LRRC4C: variants seen among roughly 807,000 people sequenced by gnomAD.
LRRC4C encodes the protein leucine-rich repeat-containing protein 4C.
Under a neutral mutation model 33.6 loss-of-function variants are expected in LRRC4C, and 5 were observed. The observed-to-expected ratio is 0.15, with a 90% confidence interval of 0.08 to 0.31. The LOEUF is 0.31. LRRC4C is among the 10% of genes least tolerant of loss of function. The pLI is 1.00. For synonymous variants in LRRC4C, 329 were observed against 302.0 expected (o/e 1.09, Z -0.93); for missense variants, 560 against 796.7 (o/e 0.70, Z 3.58).
At chr11:41,175,357 A>G (rs373507661) in intron 1 of LRRC4C, among the ~76,000 whole-genome samples, 3 of 152,304 alleles carry the variant, frequency 2.0e-5, no homozygotes, top group East Asian at 3.9e-4. Flanking sequence ...AGGAGGAAAC[A>G]ATTACCAAAT....
chr11:41,036,631 A>G (rs1857085616), intron 1 of LRRC4C, among the ~76,000 whole-genome samples: 1 of 146,098 alleles, frequency 6.8e-6, no homozygotes, highest in Non-Finnish European at 1.5e-5. Context: ...AGCACCAACC[A>G]ACACAGGTGT....
At chr11:40,236,545 G>A (rs1367879194) in intron 5 of LRRC4C, among the ~76,000 whole-genome samples, 2 of 152,094 alleles carry the variant, frequency 1.3e-5, no homozygotes, top group Non-Finnish European at 2.9e-5. Context: ...CAGTTAGGTG[G>A]GGCCAGATGA....
chr11:40,745,254 T>G (rs1245777414), intron 2 of LRRC4C, among the ~76,000 whole-genome samples: 1 of 152,194 alleles, frequency 6.6e-6, no homozygotes, highest in Non-Finnish European at 1.5e-5. Flanking sequence ...AGAGGTGAAC[T>G]ATCTGTTCTT....
intron 1 of LRRC4C, among the ~76,000 whole-genome samples, chr11:41,082,428 T>G (rs938321315): frequency 5.7e-5 from 1 of 17,694 alleles, no homozygotes; most frequent in Non-Finnish European, 1.2e-4. Context: ...AATCTCACGC[T>G]TTTTTTTTTT....
intron 5 of LRRC4C, among the ~76,000 whole-genome samples, chr11:40,200,846 C>T (rs995267433): frequency 6.7e-6 from 1 of 149,918 alleles, no homozygotes; most frequent in Non-Finnish European, 1.5e-5. Flanking sequence ...TTTTGATAAG[C>T]CTGAATCAAC....
intron 3 of LRRC4C, among the ~76,000 whole-genome samples, chr11:40,422,239 A>G (rs577198723): frequency 3.9e-5 from 6 of 152,310 alleles, no homozygotes; most frequent in Admixed American, 3.9e-4. Flanking sequence ...CACGGAGGAA[A>G]GGGGGTGCTT....
intron 2 of LRRC4C, among the ~76,000 whole-genome samples, chr11:40,906,378 C>T (rs907364609): frequency 3.0e-4 from 45 of 152,064 alleles, no homozygotes; most frequent in African/African-American, 9.9e-4. Flanking sequence ...GGGCATGGTG[C>T]CATGCGCCTG....
At chr11:40,628,716 A>G (rs1372642383) in intron 3 of LRRC4C, among the ~76,000 whole-genome samples, 5 of 152,194 alleles carry the variant, frequency 3.3e-5, no homozygotes, top group African/African-American at 1.2e-4. Flanking sequence ...GGACTTGACA[A>G]TTTCAGAAGT....
At chr11:41,176,712 A>C (rs1945213574) in intron 1 of LRRC4C, among the ~76,000 whole-genome samples, 1 of 152,026 alleles carries the variant, frequency 6.6e-6, no homozygotes, top group Admixed American at 6.6e-5. Context: ...AGTTTTAAGA[A>C]TAGTCTTTGG....
intron 4 of LRRC4C, among the ~76,000 whole-genome samples, chr11:40,254,746 CTT>C (rs749840336): frequency 6.6e-6 from 1 of 152,136 alleles, no homozygotes; most frequent in Middle Eastern, 3.2e-3. Flanking sequence ...TGTCTTGTCT[CTT>C]AGCTTACTAG....
chr11:41,240,820 C>T (rs768641815), intron 1 of LRRC4C, among the ~76,000 whole-genome samples: 16 of 152,004 alleles, frequency 1.1e-4, no homozygotes, highest in East Asian at 3.9e-4. Flanking sequence ...GTAACACACA[C>T]GCACACACAC....
At chr11:41,016,256 C>A (rs1855576985) in intron 1 of LRRC4C, among the ~76,000 whole-genome samples, 1 of 151,978 alleles carries the variant, frequency 6.6e-6, no homozygotes, top group African/African-American at 2.4e-5. Flanking sequence ...ATTTCTGTAT[C>A]TCAATTCCCT....
chr11:41,389,639 C>CAA (rs56194204), intron 1 of LRRC4C, among the ~76,000 whole-genome samples: 2 of 80,972 alleles, frequency 2.5e-5, no homozygotes, highest in Non-Finnish European at 4.4e-5. Context: ...CAGTGAGCAG[C>CAA]AAAAAAAAAA....
At chr11:41,418,008 AC>A (rs200117240) in intron 1 of LRRC4C, among the ~76,000 whole-genome samples, 1 of 151,200 alleles carries the variant, frequency 6.6e-6, no homozygotes, top group African/African-American at 2.4e-5. Flanking sequence ...ACACACATAG[AC>A]CCCCCCACAC....
chr11:40,458,885 A>G (rs919749819), intron 3 of LRRC4C, among the ~76,000 whole-genome samples: 5 of 152,168 alleles, frequency 3.3e-5, no homozygotes, highest in Admixed American at 6.6e-5. Context: ...TCCTACTACA[A>G]TATGTCTTGC....
intron 1 of LRRC4C, among the ~76,000 whole-genome samples, chr11:41,199,353 A>G (rs1946312144): frequency 6.6e-6 from 1 of 152,010 alleles, no homozygotes; most frequent in Non-Finnish European, 1.5e-5. Flanking sequence ...ATATTCAAAA[A>G]CGGGGAGTGT....
At chr11:40,501,084 T>C (rs1954746048) in intron 3 of LRRC4C, among the ~76,000 whole-genome samples, 1 of 152,150 alleles carries the variant, frequency 6.6e-6, no homozygotes, top group Non-Finnish European at 1.5e-5. Context: ...AATCTTAAAG[T>C]TCCAAAATGA....
intron 1 of LRRC4C, among the ~76,000 whole-genome samples, chr11:41,255,884 A>G (rs1948784416): frequency 6.6e-6 from 1 of 151,922 alleles, no homozygotes; most frequent in African/African-American, 2.4e-5. Flanking sequence ...TACAATAGCA[A>G]TCTGAATTCA....
intron 1 of LRRC4C, among the ~76,000 whole-genome samples, chr11:41,153,830 A>G (rs1461514743): frequency 3.3e-5 from 5 of 152,150 alleles, no homozygotes; most frequent in Admixed American, 3.3e-4. Context: ...CACAGATGTG[A>G]GTAAGGGTCT....
Sources: allele counts gnomAD v4.1 joint callset (sites outside exome capture counted in the v4.1 genomes callset), GRCh38; gene constraint gnomAD v4.1.1; transcripts MANE v1.5; gene names NCBI Gene and HGNC (gene_info 2026-07-23, HGNC 2026-07-21).